SYT1: variants seen among roughly 807,000 people sequenced by gnomAD.
The protein encoded by SYT1 is synaptotagmin 1.
Under a neutral mutation model 44.8 loss-of-function variants are expected in SYT1, and 8 were observed. The observed-to-expected ratio is 0.18, with a 90% CI of 0.10 to 0.32. The LOEUF (loss-of-function observed/expected upper bound fraction) is 0.32. Ranked by LOEUF, SYT1 falls within the 10% of genes least tolerant of loss-of-function variation. The pLI is 1.00. For missense variants in SYT1, 286 were observed against 509.3 expected (o/e 0.56, Z 4.22); for synonymous variants, 154 against 188.8 (o/e 0.82, Z 1.51).
At chr12:79,391,101 T>C (rs1348108432) in intron 9 of SYT1, among the ~76,000 whole-genome samples, 2 of 152,178 alleles carry the variant, frequency 1.3e-5, no homozygotes, top group Non-Finnish European at 2.9e-5. Flanking sequence ...CTCACCTTAA[T>C]TGTGTCACTA....
At chr12:79,402,045 G>A (rs893990332) in intron 9 of SYT1, among the ~76,000 whole-genome samples, 1 of 152,134 alleles carries the variant, frequency 6.6e-6, no homozygotes, top group African/African-American at 2.4e-5. Context: ...CTTACTGATT[G>A]TGTAAGCCAG....
chr12:79,097,518 A>G (rs1878206599), intron 3 of SYT1, among the ~76,000 whole-genome samples: 1 of 152,040 alleles, frequency 6.6e-6, no homozygotes, highest in African/African-American at 2.4e-5. Flanking sequence ...GAGGGCCTAT[A>G]GAAACACATG....
chr12:79,288,482 T>C (rs545789002), intron 5 of SYT1, among the ~76,000 whole-genome samples: 5 of 152,210 alleles, frequency 3.3e-5, no homozygotes, highest in Admixed American at 3.3e-4. Context: ...AATCAATACA[T>C]TTTTACCATT....
At chr12:78,911,743 C>T (rs749259111) in intron 1 of SYT1, among the ~76,000 whole-genome samples, 1 of 151,928 alleles carries the variant, frequency 6.6e-6, no homozygotes, top group Non-Finnish European at 1.5e-5. Context: ...CTCTCTGAGA[C>T]TTTTTGGTCA....
At chr12:78,913,228 G>C (rs778830320) in intron 1 of SYT1, among the ~76,000 whole-genome samples, 17 of 148,456 alleles carry the variant, frequency 1.1e-4, no homozygotes, top group Non-Finnish European at 2.4e-4. Context: ...TAATTTTTAA[G>C]CATATTCATT....
chr12:79,146,245 AAC>A (rs1318199314), intron 3 of SYT1, among the ~76,000 whole-genome samples: 1 of 152,102 alleles, frequency 6.6e-6, no homozygotes, highest in Non-Finnish European at 1.5e-5. Flanking sequence ...ACCCTCAGAC[AAC>A]ACACTACTCC....
At chr12:78,868,255 T>C (rs1873645102) in intron 1 of SYT1, among the ~76,000 whole-genome samples, 1 of 151,886 alleles carries the variant, frequency 6.6e-6, no homozygotes, top group Non-Finnish European at 1.5e-5. Context: ...GATTATATAA[T>C]GGAACAAATC....
chr12:79,389,249 A>G (rs1472320997), intron 9 of SYT1, among the ~76,000 whole-genome samples: 1 of 152,210 alleles, frequency 6.6e-6, no homozygotes, highest in East Asian at 1.9e-4. Flanking sequence ...TTAACAAAAC[A>G]TATGTTAGCC....
At chr12:79,356,566 G>C (rs987866594) in intron 9 of SYT1, among the ~76,000 whole-genome samples, 1 of 152,240 alleles carries the variant, frequency 6.6e-6, no homozygotes, top group African/African-American at 2.4e-5. Context: ...ACCTATGTAC[G>C]AGGAGACCAA....
At chr12:79,321,655 G>T (rs1333747181) in intron 8 of SYT1, among the ~76,000 whole-genome samples, 1 of 152,146 alleles carries the variant, frequency 6.6e-6, no homozygotes, top group Admixed American at 6.5e-5. Context: ...TTAGGCCAGG[G>T]CTGCTGTTCA....
At chr12:79,136,999 A>C (rs568903435) in intron 3 of SYT1, among the ~76,000 whole-genome samples, 1 of 152,274 alleles carries the variant, frequency 6.6e-6, no homozygotes, top group Admixed American at 6.5e-5. Flanking sequence ...CCAAAATACT[A>C]TTCCTTTGCT....
chr12:79,306,513 T>C (rs1018456438), intron 8 of SYT1, among the ~76,000 whole-genome samples: 1 of 152,216 alleles, frequency 6.6e-6, no homozygotes, highest in Non-Finnish European at 1.5e-5. Flanking sequence ...ATGGATGTTC[T>C]TGTGAGTTTT....
chr12:79,097,300 A>G (rs1878190502), intron 3 of SYT1, among the ~76,000 whole-genome samples: 1 of 152,026 alleles, frequency 6.6e-6, no homozygotes, highest in Admixed American at 6.6e-5. Flanking sequence ...CAAGACCCTG[A>G]ATAGGCCTAG....
At chr12:79,057,725 G>A (rs1875071971) in intron 3 of SYT1, among the ~76,000 whole-genome samples, 1 of 151,902 alleles carries the variant, frequency 6.6e-6, no homozygotes, top group African/African-American at 2.4e-5. Flanking sequence ...CCAAGGGAGA[G>A]AGTACAGTCA....
At chr12:79,348,187 T>C (rs902613020) in intron 8 of SYT1, among the ~76,000 whole-genome samples, 1 of 152,184 alleles carries the variant, frequency 6.6e-6, no homozygotes, top group East Asian at 1.9e-4. Context: ...CATGATCAGA[T>C]TTCCATTTTA....
At chr12:79,019,680 G>T (rs142574437) in intron 2 of SYT1, among the ~76,000 whole-genome samples, 1 of 151,982 alleles carries the variant, frequency 6.6e-6, no homozygotes, top group Non-Finnish European at 1.5e-5. Context: ...GTGAAGAAAC[G>T]ACCTACAGCA....
At chr12:78,890,040 GA>G (rs1163427190) in intron 1 of SYT1, among the ~76,000 whole-genome samples, 1 of 151,800 alleles carries the variant, frequency 6.6e-6, no homozygotes, top group African/African-American at 2.4e-5. Context: ...TTGATTAAAA[GA>G]AAAAAGTTCA....
intron 3 of SYT1, among the ~76,000 whole-genome samples, chr12:79,048,934 C>T (rs1565781347): frequency 6.6e-6 from 1 of 151,848 alleles, no homozygotes. Flanking sequence ...AAAGACTAGA[C>T]TGTCTTAAAG....
At chr12:79,365,588 T>G (rs576822784) in intron 9 of SYT1, among the ~76,000 whole-genome samples, 1 of 152,214 alleles carries the variant, frequency 6.6e-6, no homozygotes, top group Non-Finnish European at 1.5e-5. Context: ...TACAAAGAGT[T>G]TCTACATATC....
Sources: gnomAD v4.1 joint callset for allele counts (sites outside exome capture counted in the v4.1 genomes callset) on GRCh38, gnomAD v4.1.1 for gene constraint, MANE v1.5 for transcripts, NCBI Gene and HGNC (gene_info 2026-07-23, HGNC 2026-07-21) for gene names.